Variants in MEI1 observed in about 807,000 individuals in gnomAD.
MEI1 encodes the protein meiotic double-stranded break formation protein 1.
Under a neutral mutation model 146.2 loss-of-function variants are expected in MEI1, and 103 were observed. The ratio of observed to expected loss-of-function variants is 0.70; its 90% CI spans 0.60 to 0.83. The LOEUF (loss-of-function observed/expected upper bound fraction) is 0.83, where lower values mean the gene tolerates loss of function less well. MEI1 is among the 40% of genes least tolerant of loss of function. MEI1 has a pLI of 0.00. For synonymous variants in MEI1, 652 were observed against 628.2 expected, an observed-to-expected ratio of 1.04 and a Z score of -0.57; for missense variants, 1,529 against 1,533.0, an observed-to-expected ratio of 1.00 and a Z score of 0.04.
intron 6 of MEI1, among the ~76,000 whole-genome samples, chr22:41,721,619 C>CT (rs2070812282): frequency 6.6e-6 from 1 of 151,360 alleles, no homozygotes. Flanking sequence ...TCTTGAACTG[C>CT]TGGGCTCAAG....
intron 12 of MEI1, among the ~76,000 whole-genome samples, chr22:41,743,571 A>G (rs2073052510): frequency 2.6e-5 from 4 of 152,348 alleles, no homozygotes; most frequent in Middle Eastern, 6.8e-3. Flanking sequence ...TGAATTCACT[A>G]GAATCTTAGA....
chr22:41,789,955 C>T (rs530295350), intron 26 of MEI1, among the ~76,000 whole-genome samples: 3 of 152,306 alleles, frequency 2.0e-5, no homozygotes, highest in East Asian at 1.9e-4. Context: ...GTCACACTCT[C>T]GAGAAATTTC....
chr22:41,769,209 T>C (rs1293870916), intron 19 of MEI1, among the ~76,000 whole-genome samples: 1 of 152,120 alleles, frequency 6.6e-6, no homozygotes, highest in Non-Finnish European at 1.5e-5. Context: ...GGTACTGACA[T>C]AGGAGTAGAC....
intron 22 of MEI1, among the ~76,000 whole-genome samples, chr22:41,780,607 G>T (rs1190592925): frequency 1.3e-5 from 2 of 148,238 alleles, no homozygotes; most frequent in East Asian, 2.0e-4. Context: ...TTGAGACAGG[G>T]TCTCACTCTG....
chr22:41,756,368 C>T (rs1195837667), intron 17 of MEI1, among the ~76,000 whole-genome samples: 1 of 152,010 alleles, frequency 6.6e-6, no homozygotes, highest in Non-Finnish European at 1.5e-5. Context: ...AACTCCTGGC[C>T]TCAAACAATC....
intron 6 of MEI1, among the ~76,000 whole-genome samples, chr22:41,719,831 A>G (rs1388075657): frequency 1.3e-5 from 2 of 152,188 alleles, no homozygotes; most frequent in Admixed American, 6.5e-5. Flanking sequence ...TTTGGGCAGA[A>G]CAGATGGGCA....
intron 18 of MEI1, 38 bp from the exon 19 acceptor site, chr22:41,763,136 A>T: frequency 6.2e-7 from 1 of 1,608,092 alleles, no homozygotes; most frequent in Non-Finnish European, 8.5e-7. Flanking sequence ...TGGCCTGCCA[A>T]CTCTGCCTTT....
intron 11 of MEI1, among the ~76,000 whole-genome samples, chr22:41,738,221 G>A (rs553595974): frequency 6.6e-6 from 1 of 152,238 alleles, no homozygotes; most frequent in South Asian, 2.1e-4. Flanking sequence ...TTGGGAGTCC[G>A]AGGTGGGTGG....
intron 18 of MEI1, among the ~76,000 whole-genome samples, chr22:41,759,794 A>G (rs543686649): frequency 1.3e-5 from 2 of 152,104 alleles, no homozygotes; most frequent in African/African-American, 4.8e-5. Context: ...ATGCCACTGC[A>G]CTCCAGCCTG....
intron 5 of MEI1, among the ~76,000 whole-genome samples, chr22:41,716,355 CTTTTTTTTTTTTTTTTTTTT>C (rs6147630): frequency 2.5e-5 from 3 of 118,582 alleles, no homozygotes; most frequent in African/African-American, 6.6e-5. Flanking sequence ...TCCATTCATT[CTTTTTTTTTTTTTTTTTTTT>C]TTTTTTTTTT....
At chr22:41,716,688 T>A (rs1160683008) in intron 5 of MEI1, among the ~76,000 whole-genome samples, 3 of 21,640 alleles carry the variant, frequency 1.4e-4, no homozygotes, top group Non-Finnish European at 7.4e-4. Flanking sequence ...CATTCATTCT[T>A]TTTTTTTTTT....
At position 41,763,121 on chromosome 22, in the gene MEI1, C is replaced by G; in HGVS notation, c.2121-53C>G. The G allele has an allele frequency of 1.9e-6, 3 of 1,596,610 alleles. No homozygotes were observed. In the East Asian group the frequency reaches 6.7e-5, roughly 36 times the overall value. On this transcript the variant is annotated intron_variant, in intron 18 of 30. Transcript: ENST00000401548. The stretch of plus-strand genomic sequence containing the variant: ...GATGCGGCCAGGCAGAATAGAAGAG[C>G]CCAGTGGCCTGCCAACTCTGCCTTT...
intron 17 of MEI1, among the ~76,000 whole-genome samples, chr22:41,756,015 C>T (rs181673499): frequency 2.0e-5 from 3 of 152,250 alleles, no homozygotes; most frequent in Admixed American, 1.3e-4. Context: ...ATCTTAACTC[C>T]CCTGGCTTTC....
intron 19 of MEI1, among the ~76,000 whole-genome samples, chr22:41,769,390 CAT>C (rs578135317): frequency 2.8e-4 from 42 of 152,096 alleles, no homozygotes; most frequent in Admixed American, 1.9e-3. Context: ...ACTCTTAACT[CAT>C]ATCATACACA....
Position 41,724,076 on chromosome 22 carries a change from A to AGTT in MEI1, c.864+6_864+8dup, listed in dbSNP as rs754133604. On this transcript the variant is annotated splice_donor_region_variant and intron_variant, in intron 7 of 30. Transcript: ENST00000401548. ...CACTGCCTTTGGTGCTCAAAAAGGT[A>AGTT]GTTGTCTTGTGATTCCTGGTCTCTA... is the stretch of plus-strand genomic sequence containing the variant. 6.2e-7 allele frequency: 1 copy of AGTT among 1,613,878 alleles called. No individual in the cohort carries two copies. The highest frequency in any genetic ancestry group is 1.7e-5 in the Admixed American group (1 of 60,020).
chr22:41,711,850 A>G (rs1226821732), intron 3 of MEI1, among the ~76,000 whole-genome samples: 1 of 151,846 alleles, frequency 6.6e-6, no homozygotes, highest in Non-Finnish European at 1.5e-5. Flanking sequence ...ACTTGCCTAT[A>G]ATTCTTTTTT....
chr22:41,700,667 A>G (rs1454897180), intron 1 of MEI1, among the ~76,000 whole-genome samples: 2 of 151,944 alleles, frequency 1.3e-5, no homozygotes, highest in Non-Finnish European at 2.9e-5. Context: ...GCATCCAAGA[A>G]GACTTTGGGA....
intron 11 of MEI1, among the ~76,000 whole-genome samples, chr22:41,741,114 T>C (rs965083280): frequency 6.6e-6 from 1 of 152,200 alleles, no homozygotes; most frequent in Non-Finnish European, 1.5e-5. Flanking sequence ...TTTCATATCA[T>C]AATGTTTTAA....
rs968800893 is a variant in MEI1, at chr22:41,793,266, G to A, written c.3346-563G>A. Among the ~76,000 whole-genome samples, 6 of 151,762 alleles carry A rather than the reference G, an allele frequency of 4.0e-5. No homozygotes were observed. The East Asian group carries it at 5.8e-4, about 15-fold the overall frequency. On this transcript the variant is annotated intron_variant, in intron 26 of 30. Coordinates refer to ENST00000401548, the MANE Select transcript of MEI1 (RefSeq NM_152513.4). The stretch of plus-strand genomic sequence containing the variant: ...TTGGCCAGGCTGAACTCCTGACCTC[G>A]TGATCCACCCGCTCAGCCTCCCAAA...
Sources: gnomAD v4.1 joint callset for allele counts (sites outside exome capture counted in the v4.1 genomes callset) on GRCh38, gnomAD v4.1.1 for gene constraint, MANE v1.5 for transcripts, NCBI Gene and HGNC (gene_info 2026-07-23, HGNC 2026-07-21) for gene names.